The following SPG11 variants were observed in gnomAD, a reference collection of about 807,000 sequenced individuals.
The protein encoded by SPG11 is spatacsin.
Under a neutral mutation model 274.0 loss-of-function variants are expected in SPG11, and 222 were observed. The observed-to-expected ratio is 0.81, with a 90% CI of 0.73 to 0.91. SPG11 has a LOEUF of 0.91. SPG11 is among the 40% of genes least tolerant of loss of function. SPG11 has a pLI of 0.00. For synonymous variants in SPG11, 1,144 were observed against 1,039.7 expected, an observed-to-expected ratio of 1.10 and a Z score of -1.93; for missense variants, 3,114 against 2,872.7, an observed-to-expected ratio of 1.08 and a Z score of -1.92.
rs1364161755 is a variant in SPG11 at position 44,633,696 on chromosome 15, G to T, written c.1603-59C>A. 2.6e-6 allele frequency: 4 copies of T among 1,551,460 alleles called. No individual in the cohort carries two copies. In the Admixed American group the frequency reaches 5.4e-5, roughly 21 times the overall value. ...AATTACAATAGGAAAAAAAAATCAG[G>T]ATTCAGATTTTTAAACAAACTTTAG... On this transcript the variant is annotated intron_variant, in intron 7 of 39. Coordinates refer to ENST00000261866, the MANE Select transcript of SPG11 (RefSeq NM_025137.4).
Position 44,648,911 on chromosome 15 carries a change from A to C in SPG11, c.1557T>G (p.His519Gln). 1 of 1,614,162 alleles carries C rather than the reference A, an allele frequency of 6.2e-7. No individual in the cohort carries two copies. The highest frequency in any genetic ancestry group is 8.5e-7 in the Non-Finnish European group (1 of 1,180,010). ...GSASTVDTLC[H>Q]LNGWGRCSIP... is the part of the protein sequence containing the mutation. ...TTGAGCACCTTCCCCAGCCATTGAG[A>C]TGACAAAGAGTGTCCACAGTGCTGG... is the stretch of plus-strand genomic sequence containing the variant. The change falls in exon 7 of 40, where the codon CAT becomes CAG. Residue 519 changes from histidine to glutamine, a missense_variant. By Grantham distance (24) the His-to-Gln change is conservative (BLOSUM62 0). Coordinates refer to ENST00000261866, the MANE Select transcript of SPG11 (RefSeq NM_025137.4).
At position 44,596,788 on chromosome 15, in the gene SPG11, G is replaced by T; in HGVS notation, c.4157C>A (p.Ala1386Glu). The part of the protein sequence containing the change: ...IHSQLHNYHP[A>E]EVKSLIQYFS... The stretch of plus-strand genomic sequence containing the variant: ...TGCTAACAATTAGTGGCTTACCTCT[G>T]CTGGGTGGTAGTTGTGGAGTTGGCT... Residue 1386 changes from alanine to glutamate, a missense_variant, in exon 24 of 40, where the codon GCA becomes GAA. Transcript: ENST00000261866. The T allele has an allele frequency of 1.2e-6, 2 of 1,612,970 alleles. 1 individual carries two copies. The highest frequency in any genetic ancestry group is 2.2e-5 in the South Asian group (2 of 91,050).
chr15:44,585,471 G>A (rs955209273), intron 29 of SPG11, among the ~76,000 whole-genome samples, 165 bp downstream of exon 29: 2 of 150,938 alleles, frequency 1.3e-5, no homozygotes, highest in African/African-American at 4.9e-5. Flanking sequence ...GCATGGTGGT[G>A]GGCACCTGTA....
intron 31 of SPG11, 77 bp downstream of exon 31, chr15:44,574,825 G>C (rs1047926827): frequency 3.1e-5 from 48 of 1,547,186 alleles, no homozygotes; most frequent in Non-Finnish European, 4.1e-5. Context: ...AGGCTGACTT[G>C]GCAATGTCCA....
intron 1 of SPG11, among the ~76,000 whole-genome samples, chr15:44,661,268 T>C (rs1471138739): frequency 1.3e-5 from 2 of 152,188 alleles, no homozygotes; most frequent in Admixed American, 6.6e-5. Flanking sequence ...ATTCTTAAAC[T>C]GAAATGTCAA....
At chr15:44,622,453 T>C (rs761189586) in intron 12 of SPG11, 106 bp from the exon 13 acceptor site, 10 of 988,056 alleles carry the variant, frequency 1.0e-5, no homozygotes, top group Non-Finnish European at 1.3e-5. Flanking sequence ...TTAAAGATTA[T>C]TAAAAAAAGT....
Position 44,651,631 on chromosome 15 carries a change from A to G in SPG11, c.1316T>C (p.Phe439Ser). The G allele has an allele frequency of 1.2e-6, 2 of 1,614,234 alleles. No individual in the cohort carries two copies. The highest frequency in any genetic ancestry group is 1.7e-6 in the Non-Finnish European group (2 of 1,180,040). Residue 439 changes from phenylalanine to serine, a missense_variant, in exon 6 of 40, where the codon TTT becomes TCT. Coordinates refer to ENST00000261866, the MANE Select transcript of SPG11 (RefSeq NM_025137.4). ...GCCCATCCTTTCCACTTCCCAAGTA[A>G]ACAGTGCAGTGAATCCTGTCACAGA... is the stretch of plus-strand genomic sequence containing the variant. ...CVSVTGFTAL[F>S]TWEVERMGYT...
intron 7 of SPG11, among the ~76,000 whole-genome samples, chr15:44,638,832 T>C (rs1440897927): frequency 6.6e-6 from 1 of 151,972 alleles, no homozygotes; most frequent in Non-Finnish European, 1.5e-5. Flanking sequence ...CCCACCTCTA[T>C]TAAAAATACA....
intron 31 of SPG11, 66 bp from the exon 32 acceptor site, chr15:44,573,811 C>G: frequency 9.5e-6 from 14 of 1,472,224 alleles, no homozygotes; most frequent in Non-Finnish European, 1.3e-5. Context: ...AGAGCCCTTT[C>G]TGAAATCTGA....
At chr15:44,617,764 C>T (rs2083626772) in intron 15 of SPG11, among the ~76,000 whole-genome samples, 1 of 152,272 alleles carries the variant, frequency 6.6e-6, no homozygotes, top group South Asian at 2.1e-4. Context: ...CAACCTCCAC[C>T]TCCTGAGTTC....
chr15:44,660,788 C>T (rs867737986), intron 1 of SPG11, among the ~76,000 whole-genome samples, 172 bp from the exon 2 acceptor site: 3 of 152,084 alleles, frequency 2.0e-5, no homozygotes, highest in South Asian at 2.1e-4. Context: ...CTCCTCTTCC[C>T]GCTTCCCTTT....
chr15:44,655,669 T>TA (rs2084919783), intron 4 of SPG11, among the ~76,000 whole-genome samples: 2 of 152,232 alleles, frequency 1.3e-5, no homozygotes, highest in Non-Finnish European at 2.9e-5. Context: ...CTGTTTATGT[T>TA]ATCAGTAAGG....
intron 7 of SPG11, among the ~76,000 whole-genome samples, chr15:44,648,214 T>C (rs745645605): frequency 1.3e-5 from 2 of 152,084 alleles, no homozygotes; most frequent in Non-Finnish European, 2.9e-5. Flanking sequence ...TGAAGTTGGA[T>C]CAGAATAGTA....
intron 19 of SPG11, among the ~76,000 whole-genome samples, chr15:44,608,171 G>T (rs921123409): frequency 6.6e-6 from 1 of 152,140 alleles, no homozygotes; most frequent in African/African-American, 2.4e-5. Context: ...TAGGCAGCCT[G>T]GTTGTTAGTT....
At chr15:44,602,816 T>C (rs149805948) in intron 20 of SPG11, among the ~76,000 whole-genome samples, 23 of 152,238 alleles carry the variant, frequency 1.5e-4, no homozygotes, top group African/African-American at 5.5e-4. Context: ...ATGTGGTGTA[T>C]CATTTATTAA....
chr15:44,641,141 A>C (rs929261172), intron 7 of SPG11, among the ~76,000 whole-genome samples: 12 of 152,200 alleles, frequency 7.9e-5, no homozygotes, highest in African/African-American at 2.9e-4. Context: ...TGAAAATCAT[A>C]ATTTATAGCT....
In SPG11 at chr15:44,563,150, A is replaced by C; in HGVS notation, c.7303T>G (p.Cys2435Gly). The change falls in exon 40 of 40, where the codon TGC becomes GGC. Residue 2435 changes from cysteine (C) to glycine (G), a missense_variant. Physicochemically the swap from Cys to Gly is radical, Grantham distance 159. Coordinates refer to ENST00000261866, the MANE Select transcript of SPG11 (RefSeq NM_025137.4). ...NVLLKDPQTG[C>G]CLKDMLAG ...CCTGCTAGCATGTCCTTTAGACAGCAACCTGTCTGAGGGTCCTTCAGAAGC... is the reference window on the plus strand; with the variant it reads ...CCTGCTAGCATGTCCTTTAGACAGCCACCTGTCTGAGGGTCCTTCAGAAGC... 1 of 1,614,190 alleles carries C rather than the reference A, an allele frequency of 6.2e-7. No homozygotes were observed. The highest frequency in any genetic ancestry group is 1.3e-5 in the African/African-American group (1 of 75,062).
chr15:44,591,499 G>A (rs1180227105), intron 27 of SPG11, among the ~76,000 whole-genome samples: 2 of 152,174 alleles, frequency 1.3e-5, no homozygotes, highest in African/African-American at 4.8e-5. Context: ...ACAGATGATG[G>A]AACTGGTTAA....
intron 16 of SPG11, 84 bp from the exon 17 acceptor site, chr15:44,613,620 C>A: frequency 1.2e-6 from 1 of 824,386 alleles, no homozygotes; most frequent in Admixed American, 2.3e-5. Context: ...CGATGATTAG[C>A]ATTTAAAAAA....
Sources: gnomAD v4.1 joint callset for allele counts (sites outside exome capture counted in the v4.1 genomes callset) on GRCh38, gnomAD v4.1.1 for gene constraint, MANE v1.5 for transcripts, NCBI Gene and HGNC (gene_info 2026-07-23, HGNC 2026-07-21) for gene names.